Variants in ENTPD3 observed in about 807,000 individuals in gnomAD.
ENTPD3 encodes CD39 antigen-like 3.
Under a neutral mutation model 51.2 loss-of-function variants are expected in ENTPD3, and 60 were observed. The observed-to-expected ratio is 1.17, with a 90% confidence interval of 0.95 to 1.45. The LOEUF (loss-of-function observed/expected upper bound fraction) is 1.45, where lower values mean the gene tolerates loss of function less well. Among genes scored for constraint, ENTPD3 ranks in the 40% most tolerant of loss-of-function variants. The pLI, the probability that ENTPD3 is intolerant of heterozygous loss-of-function variation, is 0.00. For missense variants in ENTPD3, 593 were observed against 641.1 expected (o/e 0.93, Z 0.81); for synonymous variants, 221 against 238.4 (o/e 0.93, Z 0.67).
At chr3:40,410,771 G>A (rs1330385779) in intron 4 of ENTPD3, among the ~76,000 whole-genome samples, 1 of 149,094 alleles carries the variant, frequency 6.7e-6, no homozygotes, top group Non-Finnish European at 1.5e-5. Context: ...ATAATTAGGA[G>A]AAAAATAGAA....
intron 10 of ENTPD3, chr3:40,424,997 G>A: frequency 2.5e-6 from 1 of 395,464 alleles, no homozygotes; most frequent in Admixed American, 3.6e-5. Flanking sequence ...TACCAGTAAA[G>A]TATATTATAA....
chr3:40,415,970 T>C lies in ENTPD3; in HGVS notation c.728T>C (p.Met243Thr), dbSNP rs771476832. 3.7e-6 allele frequency: 6 copies of C among 1,613,904 alleles called. No homozygotes were observed. In the South Asian group the frequency reaches 5.5e-5, roughly 15 times the overall value. Reference sequence around the variant, plus strand: ...ATGGATCTGAACACCAGCGACATCATGCAGGTGTCCCTGTATGGCTACGTA... The same window carrying C: ...ATGGATCTGAACACCAGCGACATCACGCAGGTGTCCCTGTATGGCTACGTA... The part of the protein sequence containing the change: ...EKMDLNTSDI[M>T]QVSLYGYVYT... The change falls in exon 7 of 11, where the codon ATG (methionine) becomes ACG (threonine). Residue 243 changes from methionine to threonine, a missense_variant. Physicochemically the swap from Met to Thr is moderately conservative, Grantham distance 81 (BLOSUM62 -1). Transcript: ENST00000301825.
intron 5 of ENTPD3, 79 bp from the exon 6 acceptor site, chr3:40,414,602 T>G: frequency 6.7e-7 from 1 of 1,494,858 alleles, no homozygotes; most frequent in Non-Finnish European, 9.2e-7. Context: ...GAAGTTTGCA[T>G]TTTCACCTGA....
At chr3:40,427,194 G>C in intron 10 of ENTPD3, 78 bp from the exon 11 acceptor site, 1 of 1,175,540 alleles carries the variant, frequency 8.5e-7, no homozygotes, top group South Asian at 1.3e-5. Flanking sequence ...TTGTGAGGTT[G>C]ATAGCAGTAT....
chr3:40,423,510 C>T (rs573842445), intron 9 of ENTPD3, 109 bp downstream of exon 9: 8 of 827,420 alleles, frequency 9.7e-6, no homozygotes, highest in South Asian at 1.7e-5. Flanking sequence ...ATTTCCATCA[C>T]ATCTGTAAAA....
intron 3 of ENTPD3, among the ~76,000 whole-genome samples, chr3:40,393,783 G>A (rs1188825168): frequency 6.6e-6 from 1 of 152,114 alleles, no homozygotes; most frequent in Admixed American, 6.5e-5. Flanking sequence ...ACAAACTACT[G>A]TATATAAAAT....
chr3:40,411,452 G>A (rs1206819275), intron 4 of ENTPD3, among the ~76,000 whole-genome samples: 2 of 152,120 alleles, frequency 1.3e-5, no homozygotes, highest in African/African-American at 2.4e-5. Context: ...TTTGCTTTGT[G>A]GGAAGCAAGT....
At chr3:40,393,893 A>AAT (rs1416964566) in intron 3 of ENTPD3, among the ~76,000 whole-genome samples, 1 of 151,496 alleles carries the variant, frequency 6.6e-6, no homozygotes, top group East Asian at 2.0e-4. Context: ...AAATACAAAA[A>AAT]ATTAGCTGGG....
chr3:40,418,737 T>C (rs1379876782), intron 7 of ENTPD3, among the ~76,000 whole-genome samples: 2 of 152,194 alleles, frequency 1.3e-5, no homozygotes, highest in Non-Finnish European at 2.9e-5. Flanking sequence ...TCTTCCATTT[T>C]TTAAATGTAT....
At position 40,428,193 on chromosome 3, in the gene ENTPD3, A is replaced by G. The variant is rs912396501; in HGVS notation, c.*685A>G. 1 of 152,872 alleles carries G rather than the reference A, an allele frequency of 6.5e-6. No individual in the cohort carries two copies. Among genetic ancestry groups the G allele is most frequent in the African/African-American group, 2.4e-5 (1 of 41,418 alleles). The allele number at this position is 152,872 out of a possible 1,614,324, so 9.5% of individuals were successfully genotyped here. A position where few individuals can be genotyped will look rare whatever the true frequency, so the allele number is the denominator to read the frequency against. ...GATTGCAACCTGTGTGTTTGTCATC[A>G]TCCTCATCTCACCATTGTATTGCTA... On this transcript the variant is annotated 3_prime_UTR_variant, in exon 11 of 11. Coordinates refer to ENST00000301825, the MANE Select transcript of ENTPD3 (RefSeq NM_001248.4).
intron 3 of ENTPD3, among the ~76,000 whole-genome samples, chr3:40,400,548 G>C (rs1955328277): frequency 6.6e-6 from 1 of 151,998 alleles, no homozygotes; most frequent in African/African-American, 2.4e-5. Context: ...GACTCACCTG[G>C]GACTTTTAAA....
At chr3:40,420,712 G>C (rs1384499099) in intron 7 of ENTPD3, among the ~76,000 whole-genome samples, 4 of 152,042 alleles carry the variant, frequency 2.6e-5, no homozygotes, top group Non-Finnish European at 4.4e-5. Context: ...ACACTCATTT[G>C]GGTTATATTT....
In ENTPD3 at chr3:40,423,011, A is replaced by G. The variant is rs568717988; in HGVS notation, c.993A>G (p.Pro331=). The G allele has an allele frequency of 6.2e-7, 1 of 1,614,076 alleles. No homozygotes were observed. The highest frequency in any genetic ancestry group is 1.7e-5 in the Admixed American group (1 of 59,994). The change falls in exon 8 of 11, where the codon CCA becomes CCG. Residue 331 remains proline (P), a synonymous_variant. Transcript: ENST00000301825. ...DVITFEGTGD[P]SLCKEKVASI... is the part of the protein sequence containing the mutation. The stretch of plus-strand genomic sequence containing the variant: ...TCACTTTTGAAGGAACTGGGGACCC[A>G]TCTCTGTGTAAGGAGAAGGTGGCTT...
intron 3 of ENTPD3, among the ~76,000 whole-genome samples, chr3:40,393,803 G>C (rs1451048990): frequency 6.6e-6 from 1 of 152,064 alleles, no homozygotes; most frequent in Non-Finnish European, 1.5e-5. Flanking sequence ...TTGGGACTTT[G>C]GGAGGCCGAG....
At chr3:40,411,733 A>ATTTTTT (rs1273602218) in intron 4 of ENTPD3, 79 bp from the exon 5 acceptor site, 13 of 1,447,758 alleles carry the variant, frequency 9.0e-6, no homozygotes, top group Non-Finnish European at 1.2e-5. Flanking sequence ...TTCAAAGCCA[A>ATTTTTT]TTTGTTTTTT....
rs1311596737 is a variant in ENTPD3, at chr3:40,412,062, G to GC, written c.437+106dup. The GC allele has an allele frequency of 1.5e-5, 18 of 1,202,482 alleles. No homozygotes were observed. In the East Asian group the frequency reaches 4.6e-4, roughly 31 times the overall value. 74.5% of individuals were successfully genotyped at this position (1,202,482 alleles called of 1,614,324 possible). ...AACTCTATTTCTGGGAACAACCCTC[G>GC]CCCCCCAAAAAGAAGCCCACATTCT... On this transcript the variant is annotated intron_variant, in intron 5 of 10. Transcript: ENST00000301825.
chr3:40,402,473 A>G (rs902133858), intron 4 of ENTPD3, among the ~76,000 whole-genome samples: 15 of 152,004 alleles, frequency 9.9e-5, no homozygotes, highest in Admixed American at 4.6e-4. Flanking sequence ...ATAAAACTTA[A>G]TATCTTTCCA....
intron 7 of ENTPD3, among the ~76,000 whole-genome samples, chr3:40,417,692 A>C (rs1354305758): frequency 6.6e-6 from 1 of 152,134 alleles, no homozygotes; most frequent in African/African-American, 2.4e-5. Context: ...CTATCAGGGG[A>C]TCTCAATACT....
At chr3:40,412,666 C>T (rs954288964) in intron 5 of ENTPD3, among the ~76,000 whole-genome samples, 1 of 152,156 alleles carries the variant, frequency 6.6e-6, no homozygotes, top group African/African-American at 2.4e-5. Context: ...AAGAAAACAA[C>T]ACTCATTCTG....
Sources: allele counts gnomAD v4.1 joint callset (sites outside exome capture counted in the v4.1 genomes callset), GRCh38; gene constraint gnomAD v4.1.1; transcripts MANE v1.5; gene names NCBI Gene and HGNC (gene_info 2026-07-23, HGNC 2026-07-21).